The following CAMKK2 variants were observed in gnomAD, a reference collection of about 807,000 sequenced individuals.
CAMKK2 encodes the protein calcium/calmodulin-dependent protein kinase kinase 2.
CAMKK2 carries 30 observed loss-of-function variants against 67.2 expected under a neutral mutation model. The observed-to-expected ratio is 0.45, with a 90% CI of 0.33 to 0.61. The LOEUF is 0.61. CAMKK2 is among the 20% of genes least tolerant of loss of function. The pLI is 0.02. For synonymous variants in CAMKK2, 322 were observed against 326.2 expected, an observed-to-expected ratio of 0.99 and a Z score of 0.14; for missense variants, 643 against 802.0, an observed-to-expected ratio of 0.80 and a Z score of 2.39.
intron 2 of CAMKK2, among the ~76,000 whole-genome samples, chr12:121,271,986 AG>A (rs1362677423): frequency 3.3e-5 from 5 of 152,274 alleles, no homozygotes; most frequent in Admixed American, 2.6e-4. Context: ...CTGGGATTAC[AG>A]GCGTGAGCTA....
rs184502080 is a variant in CAMKK2, at chr12:121,272,077, G to A, written c.472-1132C>T. ...GCTGGTCTCAAACTCCTGGTCTTAAGTGATCCTCCCGCCTCAGTCTCCCAA... is the reference window on the plus strand; with the variant it reads ...GCTGGTCTCAAACTCCTGGTCTTAAATGATCCTCCCGCCTCAGTCTCCCAA... On this transcript the variant is annotated intron_variant, in intron 2 of 16. Transcript: ENST00000404169. 2.0e-5 allele frequency among the ~76,000 whole-genome samples: 3 copies of A among 152,304 alleles called. No homozygotes were observed. In the East Asian group the frequency reaches 5.8e-4, roughly 29 times the overall value.
At chr12:121,242,142 G>T (rs968049722) in intron 16 of CAMKK2, among the ~76,000 whole-genome samples, 3 of 152,100 alleles carry the variant, frequency 2.0e-5, no homozygotes, top group Admixed American at 1.3e-4. Flanking sequence ...GACCAGCCTG[G>T]CCAACATGGT....
chr12:121,290,739 C>T (rs74529612), intron 1 of CAMKK2, among the ~76,000 whole-genome samples: 7,005 of 152,268 alleles, frequency 0.046, 532 homozygotes, highest in African/African-American at 0.15. Flanking sequence ...CTGAATAAAA[C>T]CAAGACTGTC....
At chr12:121,248,502 G>C in intron 14 of CAMKK2, 104 bp downstream of exon 14, 1 of 1,376,618 alleles carries the variant, frequency 7.3e-7, no homozygotes, top group Non-Finnish European at 1.0e-6. Context: ...GGTGGCCCCC[G>C]GACATCTGAC....
Position 121,291,892 on chromosome 12 carries a change from C to A in CAMKK2, c.-60+4746G>T, listed in dbSNP as rs186029863. ...CCAACATGGTGAAACCCCGTCTCTA[C>A]TAAAAATACAAAAATTAGCTGGGCA... is the stretch of plus-strand genomic sequence containing the variant. On this transcript the variant is annotated intron_variant, in intron 1 of 16. Coordinates refer to ENST00000404169, the MANE Select transcript of CAMKK2 (RefSeq NM_001270485.2). Among the ~76,000 whole-genome samples, 343 of 151,748 alleles carry A rather than the reference C, an allele frequency of 2.3e-3. 1 individual carries two copies. Among genetic ancestry groups the A allele is most frequent in the African/African-American group, 7.9e-3 (329 of 41,408 alleles).
intron 1 of CAMKK2, among the ~76,000 whole-genome samples, chr12:121,286,994 C>T (rs1898877123): frequency 6.6e-6 from 1 of 152,196 alleles, no homozygotes; most frequent in African/African-American, 2.4e-5. Context: ...CAGCCTCGAA[C>T]TCCTGGGCTC....
chr12:121,248,928 G>A (rs1292033813), intron 13 of CAMKK2, among the ~76,000 whole-genome samples, 194 bp from the exon 14 acceptor site: 1 of 152,256 alleles, frequency 6.6e-6, no homozygotes, highest in Non-Finnish European at 1.5e-5. Context: ...AGGACGGGAG[G>A]AGCTACAAGG....
At chr12:121,244,671 G>GT in intron 15 of CAMKK2, 56 bp from the exon 16 acceptor site, 2 of 1,386,074 alleles carry the variant, frequency 1.4e-6, no homozygotes, top group Non-Finnish European at 2.0e-6. Context: ...TGGGATCCAC[G>GT]GGATGCCCGT....
intron 16 of CAMKK2, among the ~76,000 whole-genome samples, chr12:121,242,872 A>G (rs1888648897): frequency 6.6e-6 from 1 of 151,714 alleles, no homozygotes; most frequent in African/African-American, 2.4e-5. Flanking sequence ...CCTCCCGAGT[A>G]GCTGGGACTA....
chr12:121,254,229 A>AG (rs1420107946), intron 9 of CAMKK2, among the ~76,000 whole-genome samples: 1 of 152,062 alleles, frequency 6.6e-6, no homozygotes, highest in African/African-American at 2.4e-5. Context: ...GAGGCAAGGC[A>AG]GGGGGATCAC....
At chr12:121,259,223 C>T (rs1892959621) in intron 7 of CAMKK2, among the ~76,000 whole-genome samples, 1 of 152,192 alleles carries the variant, frequency 6.6e-6, no homozygotes, top group African/African-American at 2.4e-5. Flanking sequence ...GTGAGACATT[C>T]CCTGGGGAGC....
chr12:121,274,803 TTC>T (rs1491413789), intron 1 of CAMKK2, among the ~76,000 whole-genome samples: 1 of 120,802 alleles, frequency 8.3e-6, no homozygotes, highest in Non-Finnish European at 1.7e-5. Flanking sequence ...TTCTTTTTTT[TTC>T]TTTTTTTTTT....
chr12:121,268,094 A>ATC (rs1894991831), intron 5 of CAMKK2, among the ~76,000 whole-genome samples: 1 of 146,204 alleles, frequency 6.8e-6, no homozygotes, highest in Non-Finnish European at 1.5e-5. Context: ...ATATATATAT[A>ATC]TATATACTCT....
chr12:121,278,732 A>G (rs764191865), intron 1 of CAMKK2, among the ~76,000 whole-genome samples: 4 of 152,206 alleles, frequency 2.6e-5, no homozygotes, highest in Admixed American at 6.5e-5. Flanking sequence ...GTGGAACTAT[A>G]AGTCCAGTTA....
At chr12:121,281,944 T>C (rs981422593) in intron 1 of CAMKK2, among the ~76,000 whole-genome samples, 8 of 152,150 alleles carry the variant, frequency 5.3e-5, no homozygotes, top group African/African-American at 1.9e-4. Flanking sequence ...AGAGTCCATC[T>C]TGAAAAAGAA....
Position 121,274,438 on chromosome 12 carries a change from CTTT to C in CAMKK2, c.86_88del (p.Glu29_Ser30delinsGly). 6.2e-7 allele frequency: 1 copy of C among 1,613,148 alleles called. No homozygotes were observed. The highest frequency in any genetic ancestry group is 8.5e-7 in the Non-Finnish European group (1 of 1,179,982). ...CCGCAGGGCCTCACAGGGCTTCTGG[CTTT>C]CGCTGCTGCTGCTGCCCCTGCCCCC... On this transcript the variant is annotated inframe_deletion, in exon 2 of 17. Coordinates refer to ENST00000404169, the MANE Select transcript of CAMKK2 (RefSeq NM_001270485.2).
rs1029247795 is a variant in CAMKK2 at position 121,276,393 on chromosome 12, G to A, written c.-59-1808C>T. The stretch of plus-strand genomic sequence containing the variant: ...TGAGGCAGGAGAATCACTTGAATCC[G>A]GGAGGTGAAGGTTGCAATGACTGAG... On this transcript the variant is annotated intron_variant, in intron 1 of 16. Transcript: ENST00000404169. 1.2e-4 allele frequency among the ~76,000 whole-genome samples: 18 copies of A among 152,210 alleles called. No individual in the cohort carries two copies. The Middle Eastern group carries it at 0.014, about 116-fold the overall frequency.
In CAMKK2 at chr12:121,249,839, G is replaced by A; in HGVS notation, c.1271C>T (p.Thr424Ile). 6.2e-7 allele frequency: 1 copy of A among 1,614,220 alleles called. No individual in the cohort carries two copies. Among genetic ancestry groups the A allele is most frequent in the Non-Finnish European group, 8.5e-7 (1 of 1,180,034 alleles). The change falls in exon 13 of 17, where the codon ACC (threonine) becomes ATC (isoleucine). Residue 424 changes from threonine to isoleucine, a missense_variant. This residue lies in a region of CAMKK2 where 483 missense variants were observed against 625.8 expected (regional missense o/e 0.77). Coordinates refer to ENST00000404169, the MANE Select transcript of CAMKK2 (RefSeq NM_001270485.2). Reference protein sequence around the residue: ...DIAEDLKDLITRMLDKNPESR... With the variant: ...DIAEDLKDLIIRMLDKNPESR... Reference sequence around the variant, plus strand: ...CTCGGGGTTCTTGTCCAGCATACGGGTGATCAGGTCCTTCAAGTCCTCAGC... The same window carrying A: ...CTCGGGGTTCTTGTCCAGCATACGGATGATCAGGTCCTTCAAGTCCTCAGC...
rs193076245 is a variant in CAMKK2 at position 121,262,939 on chromosome 12, T to C, written c.759+867A>G. Among the ~76,000 whole-genome samples the C allele has an allele frequency of 1.8e-4, 27 of 152,280 alleles. No individual in the cohort carries two copies. In the East Asian group the frequency reaches 5.0e-3, roughly 28 times the overall value. ...GGTAGATATTAATAAATATAACTCA[T>C]ATAAGTGAAAGTGCTTTTGGGTCTT... On this transcript the variant is annotated intron_variant, in intron 6 of 16. Transcript: ENST00000404169.
Sources: allele counts gnomAD v4.1 joint callset (sites outside exome capture counted in the v4.1 genomes callset), GRCh38; gene constraint gnomAD v4.1.1; regional missense constraint gnomAD v4.1.1; transcripts MANE v1.5; gene names NCBI Gene and HGNC (gene_info 2026-07-23, HGNC 2026-07-21).